CSMD1: variants seen among roughly 807,000 people sequenced by gnomAD.
CSMD1 encodes the protein CUB and sushi domain-containing protein 1.
A neutral mutation model predicts 417.5 loss-of-function variants in CSMD1; 213 were observed. The ratio of observed to expected loss-of-function variants is 0.51; its 90% CI spans 0.46 to 0.57. The LOEUF is 0.57. Among genes scored for constraint, CSMD1 ranks in the 20% least tolerant of loss-of-function variants. The probability of loss-of-function intolerance (pLI) is 0.00; values close to 1 mark genes in which losing one functional copy is unlikely to be tolerated. For missense variants in CSMD1, 6,923 were observed against 4,529.7 expected, an observed-to-expected ratio of 1.53 and a Z score of -15.17; for synonymous variants, 2,862 against 1,736.8, an observed-to-expected ratio of 1.65 and a Z score of -16.11.
intron 2 of CSMD1, among the ~76,000 whole-genome samples, chr8:4,430,069 C>A (rs963342541): frequency 6.6e-6 from 1 of 152,256 alleles, no homozygotes; most frequent in Non-Finnish European, 1.5e-5. Flanking sequence ...AGTATAAAAG[C>A]AGAAACAAAA....
chr8:3,828,134 C>T (rs575903756), intron 5 of CSMD1, among the ~76,000 whole-genome samples: 20 of 152,306 alleles, frequency 1.3e-4, no homozygotes, highest in African/African-American at 4.8e-4. Flanking sequence ...AACCTGGGAA[C>T]ATCCTAATTG....
chr8:3,518,981 C>T (rs551114174), intron 10 of CSMD1, among the ~76,000 whole-genome samples: 2 of 152,156 alleles, frequency 1.3e-5, no homozygotes, highest in African/African-American at 2.4e-5. Context: ...CACTTTTAAA[C>T]TGAAATATAA....
At chr8:4,413,352 A>G (rs1796751609) in intron 3 of CSMD1, among the ~76,000 whole-genome samples, 1 of 152,130 alleles carries the variant, frequency 6.6e-6, no homozygotes, top group African/African-American at 2.4e-5. Context: ...TCTATCATTC[A>G]TTCTTTTATC....
chr8:3,519,101 C>G (rs1180941990), intron 10 of CSMD1, among the ~76,000 whole-genome samples: 2 of 152,152 alleles, frequency 1.3e-5, no homozygotes, highest in Non-Finnish European at 2.9e-5. Flanking sequence ...CTCACTGTCC[C>G]CTGTGCAAAT....
intron 12 of CSMD1, among the ~76,000 whole-genome samples, chr8:3,437,835 C>G (rs1207601800): frequency 6.6e-6 from 1 of 151,906 alleles, no homozygotes; most frequent in Non-Finnish European, 1.5e-5. Flanking sequence ...GCAACCTCAG[C>G]CTCCTGTGTT....
At chr8:4,452,629 C>T (rs1404869409) in intron 2 of CSMD1, among the ~76,000 whole-genome samples, 1 of 151,782 alleles carries the variant, frequency 6.6e-6, no homozygotes, top group Non-Finnish European at 1.5e-5. Context: ...GTGAAGTGCA[C>T]AATGAAAAAT....
At chr8:3,916,534 G>T (rs1808843157) in intron 5 of CSMD1, among the ~76,000 whole-genome samples, 1 of 152,172 alleles carries the variant, frequency 6.6e-6, no homozygotes, top group South Asian at 2.1e-4. Flanking sequence ...CGCCTAGGTT[G>T]AAACATTTAG....
chr8:4,616,295 G>A (rs1045244274), intron 2 of CSMD1, among the ~76,000 whole-genome samples: 3 of 152,136 alleles, frequency 2.0e-5, no homozygotes, highest in Admixed American at 6.6e-5. Flanking sequence ...AATTCCAAAT[G>A]AATGTTTTCT....
At chr8:3,902,641 G>T (rs1409471472) in intron 5 of CSMD1, among the ~76,000 whole-genome samples, 2 of 152,156 alleles carry the variant, frequency 1.3e-5, no homozygotes, top group East Asian at 1.9e-4. Context: ...GAGCTCAGGG[G>T]TAATTCTTGC....
chr8:3,598,985 A>G (rs1187032421), intron 8 of CSMD1, among the ~76,000 whole-genome samples: 2 of 152,024 alleles, frequency 1.3e-5, no homozygotes, highest in East Asian at 1.9e-4. Context: ...GGAGGCTGAG[A>G]GAGGAGAATT....
At chr8:4,348,648 GGAGA>G (rs750381880) in intron 3 of CSMD1, among the ~76,000 whole-genome samples, 10 of 110,370 alleles carry the variant, frequency 9.1e-5, no homozygotes, top group Non-Finnish European at 1.3e-4. Flanking sequence ...AGAGGGAGGG[GGAGA>G]GAGAGAGAGA....
intron 3 of CSMD1, among the ~76,000 whole-genome samples, chr8:4,041,668 G>C (rs1055061348): frequency 6.6e-6 from 1 of 152,104 alleles, no homozygotes; most frequent in Non-Finnish European, 1.5e-5. Context: ...TGAAAAGTGA[G>C]CCAGAAATAA....
At chr8:3,758,564 A>C (rs757818924) in intron 5 of CSMD1, among the ~76,000 whole-genome samples, 3 of 152,298 alleles carry the variant, frequency 2.0e-5, no homozygotes, top group Non-Finnish European at 4.4e-5. Context: ...CTATAAACTC[A>C]GTTGTTTCTT....
At chr8:4,962,014 C>T (rs755430667) in intron 1 of CSMD1, among the ~76,000 whole-genome samples, 8 of 151,820 alleles carry the variant, frequency 5.3e-5, no homozygotes, top group Non-Finnish European at 2.9e-5. Flanking sequence ...TGTTATCTCT[C>T]TGAGATTAGT....
chr8:4,542,154 A>G (rs1184190238), intron 2 of CSMD1, among the ~76,000 whole-genome samples: 1 of 152,198 alleles, frequency 6.6e-6, no homozygotes, highest in Non-Finnish European at 1.5e-5. Flanking sequence ...TACTGAATCC[A>G]CATTCTTAGA....
intron 5 of CSMD1, among the ~76,000 whole-genome samples, chr8:3,983,373 C>G (rs576771678): frequency 4.6e-5 from 7 of 152,084 alleles, no homozygotes; most frequent in African/African-American, 1.4e-4. Flanking sequence ...CTCGTGATCC[C>G]TCTTTCTTGC....
chr8:4,278,895 G>T (rs1188722358), intron 3 of CSMD1, among the ~76,000 whole-genome samples: 2 of 152,138 alleles, frequency 1.3e-5, no homozygotes, highest in East Asian at 3.9e-4. Context: ...AGACTGCTAG[G>T]ATAACTTCTC....
chr8:3,826,021 A>G (rs1453315307), intron 5 of CSMD1, among the ~76,000 whole-genome samples: 6 of 152,166 alleles, frequency 3.9e-5, no homozygotes, highest in African/African-American at 1.2e-4. Flanking sequence ...GCCTTTTTCA[A>G]AGGCCAACGT....
chr8:3,677,805 T>C (rs1799454156), intron 7 of CSMD1, among the ~76,000 whole-genome samples: 1 of 152,112 alleles, frequency 6.6e-6, no homozygotes, highest in South Asian at 2.1e-4. Context: ...TTAAAACCAG[T>C]AGATGACATA....
Sources: gnomAD v4.1 joint callset for allele counts (sites outside exome capture counted in the v4.1 genomes callset) on GRCh38, gnomAD v4.1.1 for gene constraint, MANE v1.5 for transcripts, NCBI Gene and HGNC (gene_info 2026-07-23, HGNC 2026-07-21) for gene names.